The following SDK1 variants were observed in gnomAD, a reference collection of about 807,000 sequenced individuals.
SDK1 encodes sidekick cell adhesion molecule 1.
Under a neutral mutation model 245.5 loss-of-function variants are expected in SDK1, and 157 were observed. That is an observed-to-expected ratio of 0.64 (90% CI 0.56 to 0.73). The LOEUF is 0.73. Ranked by LOEUF, SDK1 falls within the 30% of genes least tolerant of loss-of-function variation. The probability of loss-of-function intolerance (pLI) is 0.00; values close to 1 mark genes in which losing one functional copy is unlikely to be tolerated. For missense variants in SDK1, 3,583 were observed against 3,002.3 expected (o/e 1.19, Z -4.52); for synonymous variants, 1,647 against 1,278.5 (o/e 1.29, Z -6.15).
chr7:3,613,697 T>G (rs1293305167), intron 1 of SDK1, among the ~76,000 whole-genome samples: 1 of 152,166 alleles, frequency 6.6e-6, no homozygotes, highest in Non-Finnish European at 1.5e-5. Flanking sequence ...ACACATATGT[T>G]CCCAATAGCA....
intron 30 of SDK1, among the ~76,000 whole-genome samples, chr7:4,149,751 G>A (rs916635977): frequency 2.6e-5 from 4 of 152,138 alleles, no homozygotes; most frequent in South Asian, 2.1e-4. Flanking sequence ...GGGTGATGGG[G>A]GGCAGGCTGG....
chr7:3,585,113 T>G (rs1780642269), intron 1 of SDK1, among the ~76,000 whole-genome samples: 1 of 152,150 alleles, frequency 6.6e-6, no homozygotes, highest in African/African-American at 2.4e-5. Flanking sequence ...GTTTTGTACT[T>G]CCGAAATAAA....
intron 17 of SDK1, among the ~76,000 whole-genome samples, chr7:4,017,943 G>T (rs1786549456): frequency 6.6e-6 from 1 of 152,144 alleles, no homozygotes; most frequent in African/African-American, 2.4e-5. Flanking sequence ...TCCGGGTGCG[G>T]CGTGGCAGGC....
intron 22 of SDK1, among the ~76,000 whole-genome samples, chr7:4,107,372 A>C (rs1783005569): frequency 6.6e-6 from 1 of 152,100 alleles, no homozygotes; most frequent in African/African-American, 2.4e-5. Context: ...TGAGCTACGC[A>C]CGTGAGCCAC....
intron 5 of SDK1, among the ~76,000 whole-genome samples, chr7:3,911,758 C>G (rs931989390): frequency 2.6e-5 from 4 of 152,132 alleles, no homozygotes; most frequent in African/African-American, 7.2e-5. Context: ...GGAGGTCACA[C>G]AGATGTGAAA....
chr7:3,938,802 C>T (rs1371335939), intron 5 of SDK1, among the ~76,000 whole-genome samples: 1 of 152,220 alleles, frequency 6.6e-6, no homozygotes, highest in East Asian at 1.9e-4. Flanking sequence ...TCATCCTGAA[C>T]TAAATAAACA....
chr7:3,864,101 TTTTTTG>T (rs537911384), intron 5 of SDK1, among the ~76,000 whole-genome samples: 67 of 150,726 alleles, frequency 4.4e-4, no homozygotes, highest in African/African-American at 1.4e-3. Context: ...TTAATTTCTG[TTTTTTG>T]TTTTTGTTTT....
At chr7:3,525,944 A>T (rs897961365) in intron 1 of SDK1, among the ~76,000 whole-genome samples, 1 of 152,172 alleles carries the variant, frequency 6.6e-6, no homozygotes, top group African/African-American at 2.4e-5. Flanking sequence ...CAGGTAATTC[A>T]CATTGTGGGC....
intron 5 of SDK1, among the ~76,000 whole-genome samples, chr7:3,895,492 A>C (rs777301296): frequency 9.2e-5 from 14 of 152,224 alleles, no homozygotes; most frequent in Non-Finnish European, 1.6e-4. Context: ...TTTGACCACT[A>C]TCCCTTCTTC....
chr7:3,961,922 TAC>T (rs768315067), intron 8 of SDK1, among the ~76,000 whole-genome samples: 5 of 152,032 alleles, frequency 3.3e-5, no homozygotes, highest in South Asian at 2.1e-4. Context: ...TACACAGATG[TAC>T]ACACACATAT....
intron 4 of SDK1, among the ~76,000 whole-genome samples, chr7:3,734,243 A>C (rs969937857): frequency 6.6e-6 from 1 of 152,216 alleles, no homozygotes; most frequent in Non-Finnish European, 1.5e-5. Context: ...TGCCAGGCCT[A>C]TTAGCAGAGA....
intron 44 of SDK1, among the ~76,000 whole-genome samples, chr7:4,254,191 T>G (rs891059034): frequency 6.6e-6 from 1 of 151,690 alleles, no homozygotes; most frequent in Admixed American, 6.6e-5. Flanking sequence ...GTGTTTTTGT[T>G]TTTGTTTTTG....
intron 44 of SDK1, among the ~76,000 whole-genome samples, chr7:4,261,262 C>T (rs909286107): frequency 1.3e-5 from 2 of 152,080 alleles, no homozygotes; most frequent in Non-Finnish European, 2.9e-5. Context: ...GGGTAATTCA[C>T]TCTGACTCTC....
At chr7:3,975,808 G>A (rs963955570) in intron 13 of SDK1, among the ~76,000 whole-genome samples, 2 of 152,232 alleles carry the variant, frequency 1.3e-5, no homozygotes, top group Admixed American at 6.5e-5. Context: ...AGAGGTAATT[G>A]TGGTTAGTTA....
rs144758744 is a variant in SDK1 at position 3,584,262 on chromosome 7, C to T, written c.299-34818C>T. 4.4e-3 allele frequency among the ~76,000 whole-genome samples: 669 copies of T among 152,228 alleles called. 3 individuals carry two copies. The highest frequency in any genetic ancestry group is 0.01 in the Middle Eastern group (3 of 294). On this transcript the variant is annotated intron_variant, in intron 1 of 44. Coordinates refer to ENST00000404826, the MANE Select transcript of SDK1 (RefSeq NM_152744.4). ...TTGTGTCATCTCCAAACGTATTTGA[C>T]CATGAGATCTATTTGAATACAAACC...
rs553429998 is a variant in SDK1, at chr7:3,355,301, G to A, written c.298+53417G>A. ...ATCCACTGAAGAAAATTGTGAAAAT[G>A]TCCCATTAACGATTTGCAAATTTAT... On this transcript the variant is annotated intron_variant, in intron 1 of 44. Transcript: ENST00000404826. Among the ~76,000 whole-genome samples the A allele has an allele frequency of 3.3e-5, 5 of 152,268 alleles. No homozygotes were observed. The South Asian group carries it at 1.0e-3, about 32-fold the overall frequency.
intron 35 of SDK1, among the ~76,000 whole-genome samples, chr7:4,200,062 T>A (rs1044092560): frequency 1.3e-5 from 2 of 152,128 alleles, no homozygotes; most frequent in African/African-American, 4.8e-5. Context: ...GCCATTGCAC[T>A]TCAGCCTCTG....
chr7:3,625,942 C>CT (rs3086084), intron 2 of SDK1, among the ~76,000 whole-genome samples: 44,297 of 129,502 alleles, frequency 0.34, 8,260 homozygotes, highest in African/African-American at 0.45. Context: ...TCTTTTCTTT[C>CT]TTTTTTTTTT....
intron 1 of SDK1, among the ~76,000 whole-genome samples, chr7:3,600,503 G>A (rs562874821): frequency 6.8e-4 from 102 of 150,970 alleles, no homozygotes; most frequent in Non-Finnish European, 1.2e-3. Context: ...CCAAGTTTAC[G>A]GAAAAATCGT....
Sources: allele counts gnomAD v4.1 joint callset (sites outside exome capture counted in the v4.1 genomes callset), GRCh38; gene constraint gnomAD v4.1.1; transcripts MANE v1.5; gene names NCBI Gene and HGNC (gene_info 2026-07-23, HGNC 2026-07-21).